CCNJL: variants seen among roughly 807,000 people sequenced by gnomAD.
The protein encoded by CCNJL is cyclin-J-like protein.
CCNJL carries 33 observed loss-of-function variants against 33.4 expected under a neutral mutation model. The observed-to-expected ratio is 0.99, with a 90% confidence interval of 0.75 to 1.32. The LOEUF (loss-of-function observed/expected upper bound fraction) is 1.32. CCNJL is among the 40% of genes most tolerant of loss of function. CCNJL has a pLI of 0.00. For missense variants in CCNJL, 512 were observed against 499.7 expected (o/e 1.02, Z -0.23); for synonymous variants, 227 against 220.9 (o/e 1.03, Z -0.24).
chr5:160,301,870 C>T (rs1396851438), intron 2 of CCNJL, among the ~76,000 whole-genome samples: 2 of 151,922 alleles, frequency 1.3e-5, no homozygotes, highest in African/African-American at 2.4e-5. Context: ...GCTGGGATTA[C>T]AGGCATGTGC....
At position 160,253,802 on chromosome 5, in the gene CCNJL, A is replaced by G; in HGVS notation, c.744-4T>C. 15 of 1,498,416 alleles carry G rather than the reference A, an allele frequency of 1.0e-5. No individual in the cohort carries two copies. Among genetic ancestry groups the G allele is most frequent in the Non-Finnish European group, 1.2e-5 (14 of 1,128,512 alleles). The allele number at this position is 1,498,416 out of a possible 1,614,324, so 92.8% of individuals were successfully genotyped here. A position where few individuals can be genotyped will look rare whatever the true frequency, so the allele number is the denominator to read the frequency against. ...CTTGAGGACGTTGTCATACACTCTG[A>G]AACGAGAAGACCTGGGTGAGAACTG... On this transcript the variant is annotated splice_polypyrimidine_tract_variant and splice_region_variant and intron_variant, in intron 5 of 5. Coordinates refer to ENST00000257536, the MANE Select transcript of CCNJL (RefSeq NM_001308173.3).
intron 1 of CCNJL, among the ~76,000 whole-genome samples, chr5:160,338,495 G>A (rs1763710303): frequency 6.6e-6 from 1 of 151,228 alleles, no homozygotes. Context: ...TTTGTAAACT[G>A]TTCACTGAAA....
intron 1 of CCNJL, among the ~76,000 whole-genome samples, chr5:160,334,337 T>C (rs1763656703): frequency 6.6e-6 from 1 of 152,130 alleles, no homozygotes; most frequent in African/African-American, 2.4e-5. Flanking sequence ...CCAGCCCTTA[T>C]CAAAGGCAAC....
At chr5:160,313,546 A>G (rs1402993624), upstream of CCNJL, among the ~76,000 whole-genome samples, 1 of 151,906 alleles carries the variant, frequency 6.6e-6, no homozygotes, top group Non-Finnish European at 1.5e-5. Flanking sequence ...CACACCTGGG[A>G]AAAAAAAATT....
intron 3 of CCNJL, chr5:160,274,802 G>A (rs931892826): frequency 2.0e-5 from 3 of 152,500 alleles, no homozygotes; most frequent in Non-Finnish European, 4.4e-5. Context: ...GGGCTCAGAG[G>A]ACAGAGGAAA....
chr5:160,333,652 A>G (rs1450681718), intron 1 of CCNJL, among the ~76,000 whole-genome samples: 1 of 151,616 alleles, frequency 6.6e-6, no homozygotes, highest in South Asian at 2.1e-4. Context: ...CTTCCACTAT[A>G]ATCCCCTTAG....
At chr5:160,293,836 C>T (rs561897247) in intron 2 of CCNJL, among the ~76,000 whole-genome samples, 1 of 152,276 alleles carries the variant, frequency 6.6e-6, no homozygotes, top group East Asian at 1.9e-4. Context: ...TATGACAATA[C>T]TTGGAGGGCG....
At chr5:160,309,282 G>A (rs930713352) in intron 2 of CCNJL, among the ~76,000 whole-genome samples, 3 of 152,178 alleles carry the variant, frequency 2.0e-5, no homozygotes, top group African/African-American at 7.2e-5. Context: ...TTGTTTCCAT[G>A]GTGTCAAGTT....
intron 1 of CCNJL, among the ~76,000 whole-genome samples, chr5:160,323,403 T>C (rs6870145): frequency 1.3e-5 from 2 of 152,154 alleles, no homozygotes; most frequent in African/African-American, 2.4e-5. Flanking sequence ...CTCAAAAATA[T>C]TTTTACTAGC....
At chr5:160,303,594 T>C (rs1762993691) in intron 2 of CCNJL, among the ~76,000 whole-genome samples, 1 of 151,896 alleles carries the variant, frequency 6.6e-6, no homozygotes, top group Non-Finnish European at 1.5e-5. Flanking sequence ...ACACCAAAAA[T>C]GTCAACAGAG....
chr5:160,286,591 T>C (rs554811284), intron 2 of CCNJL, among the ~76,000 whole-genome samples: 1 of 152,192 alleles, frequency 6.6e-6, no homozygotes, highest in South Asian at 2.1e-4. Context: ...TGAGCCAATA[T>C]TGTACCACTG....
At chr5:160,258,766 C>T (rs190299771) in intron 4 of CCNJL, among the ~76,000 whole-genome samples, 4 of 152,266 alleles carry the variant, frequency 2.6e-5, no homozygotes, top group East Asian at 3.9e-4. Flanking sequence ...GCGCAATCTC[C>T]GCTCACTGCA....
intron 3 of CCNJL, among the ~76,000 whole-genome samples, chr5:160,261,541 G>A (rs186884714): frequency 6.6e-6 from 1 of 152,310 alleles, no homozygotes; most frequent in Admixed American, 6.5e-5. Flanking sequence ...GCTGCCCAGA[G>A]AGGAAGAGCC....
At chr5:160,280,768 G>T in intron 2 of CCNJL, 30 bp from the exon 3 acceptor site, 6 of 1,446,400 alleles carry the variant, frequency 4.1e-6, no homozygotes, top group South Asian at 1.2e-5. Context: ...GAGGGGTGAC[G>T]GTCAGGGCTG....
At chr5:160,339,043 T>C (rs1763717832) in intron 1 of CCNJL, among the ~76,000 whole-genome samples, 1 of 152,034 alleles carries the variant, frequency 6.6e-6, no homozygotes, top group African/African-American at 2.4e-5. Context: ...CACCTCGGAC[T>C]CCCAAAGTGC....
At chr5:160,253,854 G>T in intron 5 of CCNJL, 56 bp from the exon 6 acceptor site, 1 of 1,359,392 alleles carries the variant, frequency 7.4e-7, no homozygotes, top group Non-Finnish European at 9.9e-7. Flanking sequence ...AGATGCCTGT[G>T]TGTGTCTCTA....
intron 1 of CCNJL, among the ~76,000 whole-genome samples, chr5:160,330,444 C>T (rs900377033): frequency 1.4e-4 from 21 of 152,146 alleles, no homozygotes; most frequent in African/African-American, 3.9e-4. Flanking sequence ...CACTTCCTGC[C>T]GCCTCCGCAC....
At chr5:160,337,805 G>A (rs531389778) in intron 1 of CCNJL, among the ~76,000 whole-genome samples, 1 of 152,288 alleles carries the variant, frequency 6.6e-6, no homozygotes, top group Admixed American at 6.5e-5. Flanking sequence ...GAACCTGAAA[G>A]AACCAATCCT....
intron 3 of CCNJL, among the ~76,000 whole-genome samples, chr5:160,277,818 T>G (rs147859721): frequency 1.5e-3 from 220 of 150,230 alleles, no homozygotes; most frequent in Non-Finnish European, 2.4e-3. Flanking sequence ...CCATCTTGGC[T>G]CACTGCAACC....
Sources: allele counts gnomAD v4.1 joint callset (sites outside exome capture counted in the v4.1 genomes callset), GRCh38; gene constraint gnomAD v4.1.1; transcripts MANE v1.5; gene names NCBI Gene and HGNC (gene_info 2026-07-23, HGNC 2026-07-21).